Variants in AFAP1 observed in about 807,000 individuals in gnomAD.
AFAP1 encodes the protein actin filament associated protein 1, also known as actin filament-associated protein 1.
AFAP1 carries 75 observed loss-of-function variants against 93.9 expected under a neutral mutation model. The ratio of observed to expected loss-of-function variants is 0.80; its 90% confidence interval spans 0.66 to 0.97. The LOEUF (loss-of-function observed/expected upper bound fraction) is 0.97, where lower values mean the gene tolerates loss of function less well. Among genes scored for constraint, AFAP1 ranks in the 50% least tolerant of loss-of-function variants. The pLI is 0.00. For missense variants in AFAP1, 1,201 were observed against 1,050.8 expected (o/e 1.14, Z -1.98); for synonymous variants, 517 against 430.7 (o/e 1.20, Z -2.48).
At chr4:7,814,522 T>C (rs1423139533) in intron 8 of AFAP1, among the ~76,000 whole-genome samples, 2 of 152,164 alleles carry the variant, frequency 1.3e-5, no homozygotes, top group Admixed American at 1.3e-4. Context: ...ACAGCTCAAA[T>C]GTTCTTCAAG....
intron 1 of AFAP1, among the ~76,000 whole-genome samples, chr4:7,922,572 A>T (rs1720495781): frequency 6.6e-6 from 1 of 152,242 alleles, no homozygotes; most frequent in Non-Finnish European, 1.5e-5. Flanking sequence ...CTTAGGCAAC[A>T]AGCTGGAGTG....
chr4:7,783,403 G>A (rs1222361982), intron 12 of AFAP1, among the ~76,000 whole-genome samples: 1 of 152,204 alleles, frequency 6.6e-6, no homozygotes, highest in Non-Finnish European at 1.5e-5. Flanking sequence ...GCCTTCCAAA[G>A]TGCTGGGATT....
chr4:7,784,447 A>T (rs1044117279), intron 12 of AFAP1, among the ~76,000 whole-genome samples: 4 of 152,150 alleles, frequency 2.6e-5, no homozygotes, highest in African/African-American at 9.7e-5. Context: ...GGACAAAGAC[A>T]ATCGCTTCAC....
intron 5 of AFAP1, among the ~76,000 whole-genome samples, chr4:7,839,535 T>C (rs1004020389): frequency 2.0e-5 from 3 of 152,194 alleles, no homozygotes; most frequent in Non-Finnish European, 4.4e-5. Flanking sequence ...TAATAACCTA[T>C]ATTGCTTGTT....
chr4:7,771,977 T>C (rs1715507147), intron 16 of AFAP1, among the ~76,000 whole-genome samples: 2 of 152,000 alleles, frequency 1.3e-5, no homozygotes, highest in South Asian at 4.2e-4. Flanking sequence ...CGTCAACCCA[T>C]AAATGTGTCA....
chr4:7,788,965 T>C (rs1717576045), intron 11 of AFAP1: 1 of 152,522 alleles, frequency 6.6e-6, no homozygotes, highest in Middle Eastern at 3.3e-3. Flanking sequence ...CCACTCCTGC[T>C]TCTGTGCTGG....
chr4:7,935,839 T>C (rs954584817), intron 1 of AFAP1, among the ~76,000 whole-genome samples: 1 of 152,162 alleles, frequency 6.6e-6, no homozygotes, highest in Non-Finnish European at 1.5e-5. Context: ...TCCTCTGTGT[T>C]CTCCATACCC....
At chr4:7,816,399 G>GA (rs1355145792) in intron 7 of AFAP1, among the ~76,000 whole-genome samples, 1 of 151,958 alleles carries the variant, frequency 6.6e-6, no homozygotes, top group Non-Finnish European at 1.5e-5. Flanking sequence ...AAATGATTTT[G>GA]AAAAAAATAT....
intron 3 of AFAP1, among the ~76,000 whole-genome samples, chr4:7,859,535 C>A (rs1474843137): frequency 6.6e-6 from 1 of 152,136 alleles, no homozygotes; most frequent in Non-Finnish European, 1.5e-5. Flanking sequence ...CCTGCTGTGA[C>A]CTAGAAATAA....
At chr4:7,907,002 CAAA>C (rs11288651) in intron 1 of AFAP1, among the ~76,000 whole-genome samples, 20 of 127,796 alleles carry the variant, frequency 1.6e-4, no homozygotes, top group Non-Finnish European at 1.2e-4. Flanking sequence ...AACTCCACCT[CAAA>C]AAAAAAAAAA....
At chr4:7,811,703 G>A (rs1213873926) in intron 8 of AFAP1, among the ~76,000 whole-genome samples, 2 of 152,148 alleles carry the variant, frequency 1.3e-5, no homozygotes, top group African/African-American at 2.4e-5. Context: ...CGCGGGAGGG[G>A]AGCCGCCTTG....
chr4:7,899,559 G>T (rs911635212), intron 1 of AFAP1, among the ~76,000 whole-genome samples: 2 of 152,168 alleles, frequency 1.3e-5, no homozygotes, highest in Non-Finnish European at 2.9e-5. Context: ...TTATATAAAA[G>T]AAAACCTCCT....
intron 1 of AFAP1, among the ~76,000 whole-genome samples, chr4:7,882,465 C>A: frequency 6.6e-6 from 1 of 150,720 alleles, no homozygotes; most frequent in East Asian, 1.9e-4. Flanking sequence ...AAAAAGAAAA[C>A]CAAAGACCAC....
chr4:7,922,737 G>A (rs11722163), intron 1 of AFAP1, among the ~76,000 whole-genome samples: 28,297 of 152,184 alleles, frequency 0.19, 3,259 homozygotes, highest in Non-Finnish European at 0.27. Flanking sequence ...TAATCCCAGC[G>A]CTTTCAGAGG....
At chr4:7,800,745 G>T in intron 9 of AFAP1, 92 bp from the exon 10 acceptor site, 1 of 1,238,788 alleles carries the variant, frequency 8.1e-7, no homozygotes, top group South Asian at 1.3e-5. Context: ...CCCAGGGATG[G>T]GAGTGTGGAT....
chr4:7,919,436 G>A (rs1252153196), intron 1 of AFAP1, among the ~76,000 whole-genome samples: 1 of 152,132 alleles, frequency 6.6e-6, no homozygotes, highest in Non-Finnish European at 1.5e-5. Flanking sequence ...ATGGCTGAAT[G>A]GAACCTGTGT....
At chr4:7,849,515 G>C (rs991286331) in intron 4 of AFAP1, among the ~76,000 whole-genome samples, 1 of 152,194 alleles carries the variant, frequency 6.6e-6, no homozygotes. Flanking sequence ...TCACACTCGG[G>C]TGAGGGGGAA....
At chr4:7,883,280 T>C (rs1353522892) in intron 1 of AFAP1, among the ~76,000 whole-genome samples, 2 of 150,422 alleles carry the variant, frequency 1.3e-5, no homozygotes, top group East Asian at 1.9e-4. Context: ...GAGAAGATAA[T>C]GCAATTGTTC....
At chr4:7,930,768 TGAGACA>T (rs1243133002) in intron 1 of AFAP1, among the ~76,000 whole-genome samples, 1 of 152,218 alleles carries the variant, frequency 6.6e-6, no homozygotes, top group African/African-American at 2.4e-5. Flanking sequence ...TAATTTTTTT[TGAGACA>T]GAGTCTACCT....
Sources: gnomAD v4.1 joint callset for allele counts (sites outside exome capture counted in the v4.1 genomes callset) on GRCh38, gnomAD v4.1.1 for gene constraint, MANE v1.5 for transcripts, NCBI Gene and HGNC (gene_info 2026-07-23, HGNC 2026-07-21) for gene names.